The following SGSM1 variants were observed in gnomAD, a reference collection of about 807,000 sequenced individuals.
SGSM1 encodes RUN and TBC1 domain containing 2.
SGSM1 carries 73 observed loss-of-function variants against 133.8 expected under a neutral mutation model. The ratio of observed to expected loss-of-function variants is 0.55; its 90% confidence interval spans 0.45 to 0.66. SGSM1 has a LOEUF of 0.66. SGSM1 is among the 30% of genes least tolerant of loss of function. The probability of loss-of-function intolerance (pLI) is 0.00; values close to 1 mark genes in which losing one functional copy is unlikely to be tolerated. For missense variants in SGSM1, 1,213 were observed against 1,448.1 expected, an observed-to-expected ratio of 0.84 and a Z score of 2.64; for synonymous variants, 563 against 573.0, an observed-to-expected ratio of 0.98 and a Z score of 0.25.
At chr22:24,841,459 T>A (rs145698098) in intron 2 of SGSM1, among the ~76,000 whole-genome samples, 146 of 152,374 alleles carry the variant, frequency 9.6e-4, no homozygotes, top group Admixed American at 2.4e-3. Context: ...TCTGTACATA[T>A]CTGTTAAGTC....
At chr22:24,836,747 T>C (rs1929452596) in intron 2 of SGSM1, among the ~76,000 whole-genome samples, 1 of 152,270 alleles carries the variant, frequency 6.6e-6, no homozygotes, top group African/African-American at 2.4e-5. Context: ...GAAATGCCTA[T>C]TCAAGTCCTT....
intron 6 of SGSM1, 81 bp from the exon 7 acceptor site, chr22:24,855,204 T>A: frequency 1.3e-6 from 2 of 1,553,022 alleles, no homozygotes; most frequent in Non-Finnish European, 1.7e-6. Flanking sequence ...GGGAGGGTAG[T>A]GAGATGGGCG....
At chr22:24,872,666 C>T (rs1246030209) in intron 12 of SGSM1, among the ~76,000 whole-genome samples, 1 of 152,164 alleles carries the variant, frequency 6.6e-6, no homozygotes, top group East Asian at 1.9e-4. Context: ...CGCCTGTAAT[C>T]CCAGCACTTT....
At chr22:24,866,889 G>A (rs553224334) in intron 9 of SGSM1, among the ~76,000 whole-genome samples, 144 of 152,274 alleles carry the variant, frequency 9.5e-4, no homozygotes, top group African/African-American at 3.3e-3. Flanking sequence ...ATGAACTGGG[G>A]GTGGGAAGGA....
Position 24,918,652 on chromosome 22 carries a change from A to G in SGSM1, c.3025+898A>G, listed in dbSNP as rs190710915. On this transcript the variant is annotated intron_variant, in intron 23 of 24. Coordinates refer to ENST00000400358, the MANE Select transcript of SGSM1 (RefSeq NM_001098497.3). ...AGGCTCATGAAGAAGTAACTACCCC[A>G]GGCTCCCCTTGCCAGCAAGTGATGG... Among the ~76,000 whole-genome samples, 5 of 152,226 alleles carry G rather than the reference A, an allele frequency of 3.3e-5. No homozygotes were observed. The East Asian group carries it at 7.7e-4, about 24-fold the overall frequency.
intron 24 of SGSM1, 135 bp downstream of exon 24, chr22:24,920,128 T>C (rs1933955811): frequency 1.1e-6 from 1 of 944,562 alleles, no homozygotes; most frequent in African/African-American, 1.7e-5. Flanking sequence ...ACACTTCTTA[T>C]GGCTATTTCC....
chr22:24,823,194 A>T lies in SGSM1; in HGVS notation c.63+16710A>T, dbSNP rs953941215. On this transcript the variant is annotated intron_variant, in intron 2 of 24. Transcript: ENST00000400358. ...AGAAATACTATGGAGATTAGATGAGATCATACCCCCAGGCATGGTGCCAGG... is the reference window on the plus strand; with the variant it reads ...AGAAATACTATGGAGATTAGATGAGTTCATACCCCCAGGCATGGTGCCAGG... Among the ~76,000 whole-genome samples, 7 of 152,238 alleles carry T rather than the reference A, an allele frequency of 4.6e-5. 1 individual carries two copies. Among genetic ancestry groups the T allele is most frequent in the African/African-American group, 1.7e-4 (7 of 41,462 alleles).
intron 18 of SGSM1, 125 bp downstream of exon 18, chr22:24,895,416 G>A: frequency 1.0e-6 from 1 of 963,386 alleles, no homozygotes. Context: ...TTTTATATTA[G>A]CATTAAACAT....
At chr22:24,826,873 C>A (rs1928828633) in intron 2 of SGSM1, among the ~76,000 whole-genome samples, 1 of 152,110 alleles carries the variant, frequency 6.6e-6, no homozygotes, top group Admixed American at 6.5e-5. Flanking sequence ...CGCACAGCAG[C>A]CCTATGAGGT....
intron 2 of SGSM1, among the ~76,000 whole-genome samples, chr22:24,833,928 C>T (rs1929275281): frequency 2.6e-5 from 4 of 152,226 alleles, no homozygotes; most frequent in Non-Finnish European, 5.9e-5. Flanking sequence ...CCAAGGTTGG[C>T]AGCTCCTCTT....
chr22:24,850,517 G>A, intron 5 of SGSM1, 85 bp downstream of exon 5: 1 of 1,535,536 alleles, frequency 6.5e-7, no homozygotes, highest in Non-Finnish European at 8.8e-7. Flanking sequence ...GCACAAAGCT[G>A]CTTTCTTTTT....
chr22:24,922,329 C>T (rs1020407939), intron 24 of SGSM1, among the ~76,000 whole-genome samples: 3 of 151,820 alleles, frequency 2.0e-5, no homozygotes, highest in East Asian at 1.9e-4. Context: ...TGCAGGCGCC[C>T]GCCACCACAC....
chr22:24,830,316 C>T (rs1173313353), intron 2 of SGSM1, among the ~76,000 whole-genome samples: 1 of 152,166 alleles, frequency 6.6e-6, no homozygotes, highest in Non-Finnish European at 1.5e-5. Flanking sequence ...ACTACCTGCA[C>T]CCTTACCCAG....
intron 9 of SGSM1, among the ~76,000 whole-genome samples, chr22:24,863,519 C>T (rs888711724): frequency 9.2e-5 from 14 of 152,136 alleles, no homozygotes; most frequent in African/African-American, 3.4e-4. Context: ...TGCCCAGGAG[C>T]TGGGGCATCT....
chr22:24,859,280 G>A (rs1414777578), intron 8 of SGSM1, among the ~76,000 whole-genome samples: 1 of 152,120 alleles, frequency 6.6e-6, no homozygotes, highest in African/African-American at 2.4e-5. Context: ...TTTGGGAGGA[G>A]GTCTCTGAGT....
At chr22:24,822,390 T>A (rs1928537071) in intron 2 of SGSM1, among the ~76,000 whole-genome samples, 1 of 151,822 alleles carries the variant, frequency 6.6e-6, no homozygotes, top group East Asian at 1.9e-4. Flanking sequence ...CCGCGCCTGG[T>A]CTCATCTCTC....
At chr22:24,827,861 A>G (rs547212078) in intron 2 of SGSM1, among the ~76,000 whole-genome samples, 20 of 152,152 alleles carry the variant, frequency 1.3e-4, no homozygotes, top group South Asian at 1.0e-3. Flanking sequence ...TCACTCTCTC[A>G]GCTGCCTCCT....
chr22:24,858,642 A>AG (rs1353046330), intron 8 of SGSM1, among the ~76,000 whole-genome samples: 2 of 114,972 alleles, frequency 1.7e-5, no homozygotes, highest in Non-Finnish European at 3.4e-5. Context: ...TCTCAAAAAA[A>AG]AAAAAAAAAA....
chr22:24,874,542 T>G lies in SGSM1; in HGVS notation c.1292-2035T>G, dbSNP rs751397858. 5 of 1,611,270 alleles carry G rather than the reference T, an allele frequency of 3.1e-6. No individual in the cohort carries two copies. In the East Asian group the frequency reaches 6.7e-5, roughly 22 times the overall value. On this transcript the variant is annotated intron_variant, in intron 12 of 24. Transcript: ENST00000400358. ...AGTGGGAGCCAGCCAGATGGGACACTACTCTCCCCACGCCAAGCCCGAAGG... is the reference window on the plus strand; with the variant it reads ...AGTGGGAGCCAGCCAGATGGGACACGACTCTCCCCACGCCAAGCCCGAAGG...
Sources: gnomAD v4.1 joint callset for allele counts (sites outside exome capture counted in the v4.1 genomes callset) on GRCh38, gnomAD v4.1.1 for gene constraint, MANE v1.5 for transcripts, NCBI Gene and HGNC (gene_info 2026-07-23, HGNC 2026-07-21) for gene names.